LAX1: variants seen among roughly 807,000 people sequenced by gnomAD.
The protein encoded by LAX1 is lymphocyte transmembrane adaptor 1.
Under a neutral mutation model 20.7 loss-of-function variants are expected in LAX1, and 17 were observed. That is an observed-to-expected ratio of 0.82 (90% CI 0.56 to 1.23). The LOEUF (loss-of-function observed/expected upper bound fraction) is 1.23. Ranked by LOEUF, LAX1 falls within the 50% of genes most tolerant of loss-of-function variation. The probability of loss-of-function intolerance (pLI) is 0.00; values close to 1 mark genes in which losing one functional copy is unlikely to be tolerated. For synonymous variants in LAX1, 165 were observed against 181.0 expected (o/e 0.91, Z 0.71); for missense variants, 470 against 487.0 (o/e 0.97, Z 0.33).
intron 1 of LAX1, among the ~76,000 whole-genome samples, chr1:203,770,093 C>A (rs1667378110): frequency 6.6e-6 from 1 of 151,954 alleles, no homozygotes; most frequent in Non-Finnish European, 1.5e-5. Flanking sequence ...GTTACTTGGC[C>A]ACAAAGTGTG....
Position 203,774,343 on chromosome 1 carries a change from G to T in LAX1, c.859G>T (p.Ala287Ser). Residue 287 changes from alanine (A) to serine (S), a missense_variant, in exon 5 of 5, where the codon GCT becomes TCT. Ala to Ser is a moderately conservative substitution (Grantham distance 99). Transcript: ENST00000442561. ...SAIQERQLWV[A>S]FQCCRDYENV... ...CATCCAGGAAAGGCAGCTCTGGGTG[G>T]CTTTTCAGTGCTGCAGAGACTATGA... 2 of 1,614,210 alleles carry T rather than the reference G, an allele frequency of 1.2e-6. No individual in the cohort carries two copies. The highest frequency in any genetic ancestry group is 1.7e-6 in the Non-Finnish European group (2 of 1,180,048).
chr1:203,768,169 G>A (rs143898269), intron 1 of LAX1, among the ~76,000 whole-genome samples: 2,756 of 152,136 alleles, frequency 0.018, 69 homozygotes, highest in African/African-American at 0.063. Context: ...AAATTAGCCA[G>A]GCGTGGTGGT....
At chr1:203,770,510 G>GAAGGAAGA (rs1667398216) in intron 1 of LAX1, among the ~76,000 whole-genome samples, 1 of 16,928 alleles carries the variant, frequency 5.9e-5, no homozygotes, top group African/African-American at 2.0e-4. Flanking sequence ...AGGAAGGAAG[G>GAAGGAAGA]AAGAAAGAAA....
rs1558069842 is a variant in LAX1 at position 203,769,400 on chromosome 1, A to AGAAG, written c.90-1425_90-1424insGGAA. On this transcript the variant is annotated intron_variant, in intron 1 of 4. Coordinates refer to ENST00000442561, the MANE Select transcript of LAX1 (RefSeq NM_017773.4). ...CAGCGAGACTCTGTCTCAAAAAAAA[A>AGAAG]GAAAGAAAGAAAGAAAGAAAGAAAG... is the stretch of plus-strand genomic sequence containing the variant. Among the ~76,000 whole-genome samples the AGAAG allele has an allele frequency of 7.3e-3, 516 of 70,356 alleles. 4 individuals carry two copies. The highest frequency in any genetic ancestry group is 0.02 in the African/African-American group (486 of 24,150). The allele number at this position is 70,356 out of a possible 152,430, so 46.2% of individuals were successfully genotyped here. A position where few individuals can be genotyped will look rare whatever the true frequency, so the allele number is the denominator to read the frequency against.
rs561529481 is a variant in LAX1 at position 203,765,262 on chromosome 1, C to A, written c.-304C>A. On this transcript the variant is annotated 5_prime_UTR_variant, in exon 1 of 5. Coordinates refer to ENST00000442561, the MANE Select transcript of LAX1 (RefSeq NM_017773.4). Reference sequence around the variant, plus strand: ...CTCTTGGCAGTTTCCCCCTCTGTGCCCCTCACGTTTCCACCAGAAACGTGA... The same window carrying A: ...CTCTTGGCAGTTTCCCCCTCTGTGCACCTCACGTTTCCACCAGAAACGTGA... 3.9e-6 allele frequency: 5 copies of A among 1,291,136 alleles called. No individual in the cohort carries two copies. In the African/African-American group the frequency reaches 7.4e-5, roughly 19 times the overall value. 80.0% of individuals were successfully genotyped at this position (1,291,136 alleles called of 1,614,324 possible).
chr1:203,774,561 G>A lies in LAX1; in HGVS notation c.1077G>A (p.Met359Ile), dbSNP rs752106034. 1.6e-5 allele frequency: 26 copies of A among 1,614,046 alleles called. No individual in the cohort carries two copies. The South Asian group carries it at 2.5e-4, about 16-fold the overall frequency. ...QPFTQSEDSQ[M>I]KHREEMSNED... Reference sequence around the variant, plus strand: ...TCACACAGAGTGAGGACAGTCAGATGAAACATAGAGAAGAGATGTCAAATG... The same window carrying A: ...TCACACAGAGTGAGGACAGTCAGATAAAACATAGAGAAGAGATGTCAAATG... Residue 359 changes from methionine to isoleucine, a missense_variant, in exon 5 of 5, where the codon ATG becomes ATA. Coordinates refer to ENST00000442561, the MANE Select transcript of LAX1 (RefSeq NM_017773.4).
Position 203,774,722 on chromosome 1 carries a change from A to G in LAX1, c.*41A>G. Reference sequence around the variant, plus strand: ...GCCATAAAGCCACATTGAGTAGTCTATCCCATAGGATTGACTACTGCAGAG... The same window carrying G: ...GCCATAAAGCCACATTGAGTAGTCTGTCCCATAGGATTGACTACTGCAGAG... On this transcript the variant is annotated 3_prime_UTR_variant, in exon 5 of 5. Transcript: ENST00000442561. 2 of 1,543,388 alleles carry G rather than the reference A, an allele frequency of 1.3e-6. No homozygotes were observed. The highest frequency in any genetic ancestry group is 1.4e-5 in the African/African-American group (1 of 73,534).
Position 203,765,413 on chromosome 1 carries a change from T to C in LAX1, c.-153T>C. 1 of 1,552,146 alleles carries C rather than the reference T, an allele frequency of 6.4e-7. No individual in the cohort carries two copies. The highest frequency in any genetic ancestry group is 8.7e-7 in the Non-Finnish European group (1 of 1,147,132). ...AACCAAACCTGTTGCTTTTGTATGT[T>C]GGGTCAACTTGGCCTGACGTTTCAG... On this transcript the variant is annotated 5_prime_UTR_variant, in exon 1 of 5. Transcript: ENST00000442561.
chr1:203,774,474 C>CCATG lies in LAX1; in HGVS notation c.991_994dup (p.Val332AlafsTer25). On this transcript the variant is annotated frameshift_variant, in exon 5 of 5. Transcript: ENST00000442561. LOFTEE classifies it low-confidence loss of function (END_TRUNC). ...AGGACAAGACAGATGATCCCGGGAC[C>CCATG]CATGTCCAATGTGTCAAAAGGACAT... 6.2e-7 allele frequency: 1 copy of CCATG among 1,614,164 alleles called. No homozygotes were observed. The highest frequency in any genetic ancestry group is 8.5e-7 in the Non-Finnish European group (1 of 1,180,040).
At chr1:203,771,342 T>C in intron 2 of LAX1, 25 bp from the exon 3 acceptor site, 1 of 1,417,710 alleles carries the variant, frequency 7.1e-7, no homozygotes, top group Non-Finnish European at 1.0e-6. Context: ...CCGCCATGAC[T>C]CCCATCTCTC....
At position 203,774,183 on chromosome 1, in the gene LAX1, G is replaced by C. The variant is rs771417735; in HGVS notation, c.699G>C (p.Glu233Asp). ...QKLEFTEERD[E>D]GCGDAGDCTS... ...TGGAGTTTACTGAGGAAAGAGATGA[G>C]GGCTGTGGAGATGCTGGTGACTGCA... is the stretch of plus-strand genomic sequence containing the variant. The change falls in exon 5 of 5, where the codon GAG becomes GAC. Residue 233 changes from glutamate (E) to aspartate (D), a missense_variant. Physicochemically the swap from Glu to Asp is conservative, Grantham distance 45 (BLOSUM62 2). Transcript: ENST00000442561. 1.9e-6 allele frequency: 3 copies of C among 1,614,178 alleles called. No homozygotes were observed. Among genetic ancestry groups the C allele is most frequent in the Non-Finnish European group, 2.5e-6 (3 of 1,180,038 alleles).
chr1:203,767,067 T>C (rs1667316703), intron 1 of LAX1, among the ~76,000 whole-genome samples: 1 of 151,662 alleles, frequency 6.6e-6, no homozygotes, highest in South Asian at 2.1e-4. Context: ...TTCATGTTGG[T>C]CAGGCTGGTC....
Position 203,774,872 on chromosome 1 carries a change from A to G in LAX1, c.*191A>G, listed in dbSNP as rs1667485997. ...CAGAGGTTTGGGAATTCCAGAAGGGAATTCTTCTCAAGCAGAGTGTGGTTA... is the reference window on the plus strand; with the variant it reads ...CAGAGGTTTGGGAATTCCAGAAGGGGATTCTTCTCAAGCAGAGTGTGGTTA... On this transcript the variant is annotated 3_prime_UTR_variant, in exon 5 of 5. Transcript: ENST00000442561. 2 of 590,702 alleles carry G rather than the reference A, an allele frequency of 3.4e-6. No homozygotes were observed. Among genetic ancestry groups the G allele is most frequent in the East Asian group, 2.8e-5 (1 of 35,928 alleles). 36.6% of individuals were successfully genotyped at this position (590,702 alleles called of 1,614,324 possible). A position where few individuals can be genotyped will look rare whatever the true frequency, so the allele number is the denominator to read the frequency against.
chr1:203,769,773 C>CGGGGGGGGGGGGG (rs1311215813), intron 1 of LAX1: 2 of 24,318 alleles, frequency 8.2e-5, no homozygotes, highest in Non-Finnish European at 2.6e-4. Context: ...CAAATTGGTG[C>CGGGGGGGGGGGGG]GGGGGGGGGG....
At chr1:203,769,783 G>T (rs1351964134) in intron 1 of LAX1, 4 of 149,184 alleles carry the variant, frequency 2.7e-5, no homozygotes, top group Non-Finnish European at 5.9e-5. Flanking sequence ...CGGGGGGGGG[G>T]GCGGCGGGGG....
At chr1:203,769,437 GAAA>G (rs772016887) in intron 1 of LAX1, among the ~76,000 whole-genome samples, 3,577 of 95,312 alleles carry the variant, frequency 0.038, 78 homozygotes, top group South Asian at 0.048. Flanking sequence ...AAGAAAGAAA[GAAA>G]GAAGGAAAGA....
Position 203,774,830 on chromosome 1 carries a change from A to C in LAX1, c.*149A>C, listed in dbSNP as rs1667485445. 2 of 649,832 alleles carry C rather than the reference A, an allele frequency of 3.1e-6. No homozygotes were observed. Among genetic ancestry groups the C allele is most frequent in the Non-Finnish European group, 5.2e-6 (2 of 383,260 alleles). 40.3% of individuals were successfully genotyped at this position (649,832 alleles called of 1,614,324 possible). ...AAGAGGCTGAGATGAGCAGTGAACTAAGAGGCCACACAAAAGCAGAGGTTT... is the reference window on the plus strand; with the variant it reads ...AAGAGGCTGAGATGAGCAGTGAACTCAGAGGCCACACAAAAGCAGAGGTTT... On this transcript the variant is annotated 3_prime_UTR_variant, in exon 5 of 5. Coordinates refer to ENST00000442561, the MANE Select transcript of LAX1 (RefSeq NM_017773.4).
At chr1:203,770,455 A>AGAG (rs1558070562) in intron 1 of LAX1, among the ~76,000 whole-genome samples, 20 of 42,648 alleles carry the variant, frequency 4.7e-4, no homozygotes, top group African/African-American at 1.6e-3. Context: ...GAGAGAGAGA[A>AGAG]AGGAAGGAAG....
chr1:203,770,597 C>T (rs1366619065), intron 1 of LAX1, among the ~76,000 whole-genome samples: 1 of 151,724 alleles, frequency 6.6e-6, no homozygotes, highest in African/African-American at 2.4e-5. Context: ...ATGTGAATCC[C>T]TGGCACCCGG....
Sources: allele counts gnomAD v4.1 joint callset (sites outside exome capture counted in the v4.1 genomes callset), GRCh38; gene constraint gnomAD v4.1.1; transcripts MANE v1.5; gene names NCBI Gene and HGNC (gene_info 2026-07-23, HGNC 2026-07-21).